ACER1: variants seen among roughly 807,000 people sequenced by gnomAD.
The protein encoded by ACER1 is CTB-180A7.3.
A neutral mutation model predicts 24.9 loss-of-function variants in ACER1; 28 were observed. The observed-to-expected ratio is 1.13, with a 90% CI of 0.83 to 1.54. The LOEUF is 1.54. ACER1 is among the 40% of genes most tolerant of loss of function. ACER1 has a pLI of 0.00. For missense variants in ACER1, 352 were observed against 349.3 expected, an observed-to-expected ratio of 1.01 and a Z score of -0.06; for synonymous variants, 132 against 131.4, an observed-to-expected ratio of 1.00 and a Z score of -0.03.
intron 3 of ACER1, 76 bp downstream of exon 3, chr19:6,312,061 TGGGGACCCAGGG>T: frequency 6.7e-7 from 1 of 1,493,404 alleles, no homozygotes; most frequent in Non-Finnish European, 9.0e-7. Context: ...GGGTCAAGGG[TGGGGACCCAGGG>T]GACTCAGGTG....
intron 1 of ACER1, among the ~76,000 whole-genome samples, chr19:6,313,960 A>G (rs955788824): frequency 6.6e-6 from 1 of 152,158 alleles, no homozygotes; most frequent in Non-Finnish European, 1.5e-5. Context: ...CATCAGACAC[A>G]TGAGTGAATG....
At chr19:6,340,961 T>G in the ACER1 span, among the ~76,000 whole-genome samples, 112 of 152,046 alleles carry the variant, frequency 7.4e-4, no homozygotes, top group African/African-American at 2.6e-3. Context: ...TCTTATAGGC[T>G]AAAGGTGTCA....
chr19:6,355,940 T>C, the ACER1 span, among the ~76,000 whole-genome samples: 2 of 151,884 alleles, frequency 1.3e-5, no homozygotes, highest in South Asian at 4.1e-4. Flanking sequence ...GAGGAGCCCC[T>C]CTGCCCAGCC....
chr19:6,346,444 T>TCTC, the ACER1 span, among the ~76,000 whole-genome samples: 4 of 151,596 alleles, frequency 2.6e-5, no homozygotes, highest in Admixed American at 6.6e-5. Context: ...CTCATTCTTT[T>TCTC]CTCCTCCTCC....
the ACER1 span, among the ~76,000 whole-genome samples, chr19:6,355,829 T>C: frequency 0.32 from 31,110 of 98,184 alleles, 6,808 homozygotes; most frequent in African/African-American, 0.61. Flanking sequence ...GGCCAGCCGC[T>C]CCATCCGGGA....
chr19:6,333,423 AT>A (rs769235631), intron 1 of ACER1, 35 bp downstream of exon 1: 47 of 1,513,370 alleles, frequency 3.1e-5, no homozygotes, highest in Non-Finnish European at 4.1e-5. Flanking sequence ...TCGAACCGGC[AT>A]CTGGCGAGAC....
chr19:6,338,707 C>T, the ACER1 span, among the ~76,000 whole-genome samples: 14 of 152,106 alleles, frequency 9.2e-5, no homozygotes, highest in Admixed American at 2.6e-4. Flanking sequence ...CACACCTTAG[C>T]CTCCCAAGTA....
chr19:6,312,112 G>C lies in ACER1; in HGVS notation c.350+37C>G, dbSNP rs112594921. ...TCATGTAGAGTCAACTGAAGACTCA[G>C]ACCCCACCCTGTCCAGATGGCCAGC... On this transcript the variant is annotated intron_variant, in intron 3 of 5. Transcript: ENST00000301452. 96 of 1,605,994 alleles carry C rather than the reference G, an allele frequency of 6.0e-5. No homozygotes were observed. In the African/African-American group the frequency reaches 1.2e-3, roughly 20 times the overall value.
chr19:6,326,079 G>A (rs984351592), intron 1 of ACER1, among the ~76,000 whole-genome samples: 5 of 150,544 alleles, frequency 3.3e-5, no homozygotes, highest in Admixed American at 6.6e-5. Context: ...CTCAGCCTCC[G>A]GAGTAGCTGG....
At chr19:6,334,573 C>T (rs185989440), upstream of ACER1, among the ~76,000 whole-genome samples, 247 of 152,206 alleles carry the variant, frequency 1.6e-3, 1 homozygote, top group South Asian at 3.5e-3. Flanking sequence ...TCTCGAACTC[C>T]TGACCTCAGG....
chr19:6,348,574 A>G, the ACER1 span, among the ~76,000 whole-genome samples: 1 of 152,076 alleles, frequency 6.6e-6, no homozygotes, highest in Non-Finnish European at 1.5e-5. Context: ...CTTTCGTCAC[A>G]AAGAAAACAT....
chr19:6,354,158 G>A, the ACER1 span, among the ~76,000 whole-genome samples: 1 of 151,576 alleles, frequency 6.6e-6, no homozygotes, highest in Admixed American at 6.6e-5. Flanking sequence ...CCCCAGCCTG[G>A]ACAACAGAGC....
intron 4 of ACER1, among the ~76,000 whole-genome samples, chr19:6,308,692 T>A (rs2091563256): frequency 6.6e-6 from 1 of 152,252 alleles, no homozygotes; most frequent in East Asian, 1.9e-4. Context: ...ATTACAGGCA[T>A]GAGCCATCAT....
upstream of ACER1, among the ~76,000 whole-genome samples, chr19:6,334,261 GTCTCGA>G (rs2091704112): frequency 6.6e-6 from 1 of 152,024 alleles, no homozygotes; most frequent in Non-Finnish European, 1.5e-5. Context: ...AGCCAGGATG[GTCTCGA>G]TCTCCTGACC....
chr19:6,350,778 T>C, the ACER1 span, among the ~76,000 whole-genome samples: 2 of 152,112 alleles, frequency 1.3e-5, no homozygotes, highest in African/African-American at 4.8e-5. Context: ...CTTTCTTTTA[T>C]AGGAACAAAA....
upstream of ACER1, among the ~76,000 whole-genome samples, chr19:6,336,799 G>T (rs1343050015): frequency 7.5e-6 from 1 of 133,500 alleles, no homozygotes; most frequent in African/African-American, 2.9e-5. Flanking sequence ...CAGCCCGGGC[G>T]ACAGATCGAG....
intron 1 of ACER1, among the ~76,000 whole-genome samples, chr19:6,329,029 T>C (rs2091675114): frequency 6.6e-6 from 1 of 151,912 alleles, no homozygotes; most frequent in Non-Finnish European, 1.5e-5. Flanking sequence ...GCTCTTGTGG[T>C]TCCAGCTACT....
At chr19:6,312,054 T>G (rs553166782) in intron 3 of ACER1, 95 bp downstream of exon 3, 1 of 1,471,118 alleles carries the variant, frequency 6.8e-7, no homozygotes, top group Non-Finnish European at 9.1e-7. Flanking sequence ...CCAAAGAGGG[T>G]CAAGGGTGGG....
At chr19:6,345,014 C>T in the ACER1 span, among the ~76,000 whole-genome samples, 20 of 151,672 alleles carry the variant, frequency 1.3e-4, no homozygotes, top group East Asian at 5.8e-4. Flanking sequence ...TACAGGTGCC[C>T]GCCACCACAC....
Sources: allele counts gnomAD v4.1 joint callset (sites outside exome capture counted in the v4.1 genomes callset), GRCh38; gene constraint gnomAD v4.1.1; transcripts MANE v1.5; gene names NCBI Gene and HGNC (gene_info 2026-07-23, HGNC 2026-07-21).